RHEX: variants seen among roughly 807,000 people sequenced by gnomAD.
The protein encoded by RHEX is regulator of hemoglobinization and erythroid cell expansion protein.
Under a neutral mutation model 20.1 loss-of-function variants are expected in RHEX, and 18 were observed. The observed-to-expected ratio is 0.90, with a 90% confidence interval of 0.62 to 1.33. The LOEUF is 1.33. RHEX is among the 40% of genes most tolerant of loss of function. RHEX has a pLI of 0.00. For missense variants in RHEX, 192 were observed against 214.3 expected (o/e 0.90, Z 0.65); for synonymous variants, 87 against 77.1 (o/e 1.13, Z -0.67).
chr1:206,090,142 AC>A, intron 1 of RHEX, among the ~76,000 whole-genome samples: 1 of 150,532 alleles, frequency 6.6e-6, no homozygotes, highest in African/African-American at 2.4e-5. Flanking sequence ...TCAAGTCTAC[AC>A]TTCTCTTAAA....
At chr1:206,085,279 A>G (rs1662816891) in intron 1 of RHEX, among the ~76,000 whole-genome samples, 1 of 152,186 alleles carries the variant, frequency 6.6e-6, no homozygotes. Flanking sequence ...CCGTGTTTTT[A>G]CGTACTGTGC....
chr1:206,100,462 A>G (rs1439474639), intron 4 of RHEX, among the ~76,000 whole-genome samples: 1 of 152,194 alleles, frequency 6.6e-6, no homozygotes, highest in African/African-American at 2.4e-5. Flanking sequence ...TCCTGATTTT[A>G]TCTTTTCAGT....
At chr1:206,068,208 C>T (rs1274528987) in intron 1 of RHEX, among the ~76,000 whole-genome samples, 1 of 152,130 alleles carries the variant, frequency 6.6e-6, no homozygotes, top group Admixed American at 6.5e-5. Flanking sequence ...ATGTGGTTAC[C>T]TGTTAATGAG....
chr1:206,092,660 TCTAA>T (rs879981331), intron 1 of RHEX, among the ~76,000 whole-genome samples: 5 of 152,222 alleles, frequency 3.3e-5, no homozygotes, highest in African/African-American at 1.2e-4. Context: ...AATTTTGTAG[TCTAA>T]CTTTTTTTAA....
At chr1:206,059,650 A>C (rs1221085188) in intron 1 of RHEX, among the ~76,000 whole-genome samples, 5 of 151,758 alleles carry the variant, frequency 3.3e-5, no homozygotes, top group Non-Finnish European at 5.9e-5. Context: ...AAAATGCCTG[A>C]CTCCAGTCCT....
At chr1:206,087,225 A>T (rs1200355574) in intron 1 of RHEX, among the ~76,000 whole-genome samples, 1 of 152,168 alleles carries the variant, frequency 6.6e-6, no homozygotes, top group African/African-American at 2.4e-5. Context: ...TGCTATTTAC[A>T]TGTGGTCAAA....
chr1:206,053,556 G>A (rs1288534339), intron 1 of RHEX, among the ~76,000 whole-genome samples: 1 of 152,128 alleles, frequency 6.6e-6, no homozygotes, highest in African/African-American at 2.4e-5. Flanking sequence ...AGAAGCATGG[G>A]TCAGGTACAA....
At chr1:206,100,013 T>C (rs1399385976) in intron 4 of RHEX, among the ~76,000 whole-genome samples, 1 of 152,228 alleles carries the variant, frequency 6.6e-6, no homozygotes, top group Admixed American at 6.5e-5. Flanking sequence ...TGGGTCTAAG[T>C]TCTTTCCCGG....
chr1:206,058,957 T>A (rs568793104), intron 1 of RHEX, among the ~76,000 whole-genome samples: 65 of 152,240 alleles, frequency 4.3e-4, no homozygotes, highest in African/African-American at 1.5e-3. Context: ...CCTCCTTTGT[T>A]CTTCTTGCTC....
intron 1 of RHEX, among the ~76,000 whole-genome samples, chr1:206,071,248 G>A (rs1156998860): frequency 3.9e-5 from 6 of 152,174 alleles, no homozygotes; most frequent in African/African-American, 1.4e-4. Flanking sequence ...AATCCAGCAC[G>A]AGAGAAAGAT....
In RHEX at chr1:206,099,636, C is replaced by T; in HGVS notation, c.113-19C>T. Reference sequence around the variant, plus strand: ...GCCTGGCCAGTTTCCACTTTTGATCCCTGCCCTCTCCCTTCCAGCCCACAA... The same window carrying T: ...GCCTGGCCAGTTTCCACTTTTGATCTCTGCCCTCTCCCTTCCAGCCCACAA... On this transcript the variant is annotated intron_variant, in intron 3 of 5. Transcript: ENST00000331555. The T allele has an allele frequency of 1.2e-6, 2 of 1,612,174 alleles. No individual in the cohort carries two copies. The highest frequency in any genetic ancestry group is 1.7e-5 in the Admixed American group (1 of 59,832).
At position 206,084,333 on chromosome 1, in the gene RHEX, T is replaced by C. The variant is rs1392911090; in HGVS notation, c.-96-13400T>C. Among the ~76,000 whole-genome samples, 8 of 152,252 alleles carry C rather than the reference T, an allele frequency of 5.3e-5. No homozygotes were observed. The East Asian group carries it at 1.5e-3, about 29-fold the overall frequency. On this transcript the variant is annotated intron_variant, in intron 1 of 5. Coordinates refer to ENST00000331555, the MANE Select transcript of RHEX (RefSeq NM_001007544.4). ...GCACAAAACAGAAACAGTCGACCCT[T>C]ATATAGAGCTTAGTATCTGCCGAGG...
intron 1 of RHEX, among the ~76,000 whole-genome samples, chr1:206,096,397 A>G (rs1325122547): frequency 6.6e-6 from 1 of 152,254 alleles, no homozygotes; most frequent in East Asian, 1.9e-4. Context: ...TAAAAATGGA[A>G]CATTGTTGTT....
intron 1 of RHEX, among the ~76,000 whole-genome samples, chr1:206,059,318 G>C (rs557463321): frequency 6.6e-6 from 1 of 152,256 alleles, no homozygotes; most frequent in East Asian, 1.9e-4. Context: ...AGGGAGACAG[G>C]GAAAAAGGCA....
In RHEX at chr1:206,098,116, T is replaced by C. The variant is rs1558180356; in HGVS notation, c.47T>C (p.Val16Ala). The C allele has an allele frequency of 6.2e-7, 1 of 1,614,138 alleles. No homozygotes were observed. The highest frequency in any genetic ancestry group is 8.5e-7 in the Non-Finnish European group (1 of 1,179,970). The change falls in exon 3 of 6, where the codon GTG (valine) becomes GCG (alanine). Residue 16 changes from valine (V) to alanine (A), a missense_variant. Coordinates refer to ENST00000331555, the MANE Select transcript of RHEX (RefSeq NM_001007544.4). ...GTCTGGCATGGCTTAGTGATCGCGG[T>C]GGTGTCCCTCTTCCTGCAGGCCTGC... ...MEVWHGLVIA[V>A]VSLFLQACFL...
In RHEX at chr1:206,102,023, T is replaced by C; in HGVS notation, c.*71T>C. The C allele has an allele frequency of 7.7e-7, 1 of 1,298,896 alleles. No homozygotes were observed. The highest frequency in any genetic ancestry group is 1.2e-5 in the South Asian group (1 of 83,012). 80.5% of individuals were successfully genotyped at this position (1,298,896 alleles called of 1,614,324 possible). A position where few individuals can be genotyped will look rare whatever the true frequency, so the allele number is the denominator to read the frequency against. ...ATTTAATTTGTAGGGAAATGCCATT[T>C]TTCCCCCTTAAACAAGGCATGGGGC... is the stretch of plus-strand genomic sequence containing the variant. On this transcript the variant is annotated 3_prime_UTR_variant, in exon 6 of 6. Transcript: ENST00000331555.
At chr1:206,080,143 T>A (rs931237509) in intron 1 of RHEX, 2 of 152,232 alleles carry the variant, frequency 1.3e-5, no homozygotes, top group African/African-American at 4.8e-5. Flanking sequence ...TTCCTTATAA[T>A]GTGGAAAACT....
chr1:206,095,543 G>A lies in RHEX; in HGVS notation c.-96-2190G>A, dbSNP rs1230735879. ...AGATTTGGGGTAATTTTGGCTGGGCGCGGTGGCTCACGCCTGTAATCCCAG... is the reference window on the plus strand; with the variant it reads ...AGATTTGGGGTAATTTTGGCTGGGCACGGTGGCTCACGCCTGTAATCCCAG... On this transcript the variant is annotated intron_variant, in intron 1 of 5. Transcript: ENST00000331555. Among the ~76,000 whole-genome samples, 11 of 152,114 alleles carry A rather than the reference G, an allele frequency of 7.2e-5. No homozygotes were observed. The South Asian group carries it at 8.3e-4, about 11-fold the overall frequency.
At chr1:206,083,054 ATTC>A (rs1662769712) in intron 1 of RHEX, among the ~76,000 whole-genome samples, 2 of 152,164 alleles carry the variant, frequency 1.3e-5, no homozygotes, top group Admixed American at 6.5e-5. Context: ...TCAAAAATTT[ATTC>A]TTATCTATTG....
Sources: allele counts gnomAD v4.1 joint callset (sites outside exome capture counted in the v4.1 genomes callset), GRCh38; gene constraint gnomAD v4.1.1; transcripts MANE v1.5; gene names NCBI Gene and HGNC (gene_info 2026-07-23, HGNC 2026-07-21).